The following CNTNAP2 variants were observed in gnomAD, a reference collection of about 807,000 sequenced individuals.
CNTNAP2 encodes contactin-associated protein-like 2.
CNTNAP2 carries 98 observed loss-of-function variants against 155.2 expected under a neutral mutation model. The ratio of observed to expected loss-of-function variants is 0.63; its 90% CI spans 0.54 to 0.75. The LOEUF (loss-of-function observed/expected upper bound fraction) is 0.75. CNTNAP2 is among the 30% of genes least tolerant of loss of function. CNTNAP2 has a pLI of 0.00. For missense variants in CNTNAP2, 1,727 were observed against 1,688.1 expected (o/e 1.02, Z -0.40); for synonymous variants, 651 against 631.2 (o/e 1.03, Z -0.47).
At chr7:147,793,726 A>G (rs901904440) in intron 13 of CNTNAP2, among the ~76,000 whole-genome samples, 18 of 152,088 alleles carry the variant, frequency 1.2e-4, no homozygotes, top group Non-Finnish European at 2.6e-4. Context: ...GATTTAATAC[A>G]GGTTGCATTA....
At chr7:147,928,752 C>T (rs895063968) in intron 14 of CNTNAP2, among the ~76,000 whole-genome samples, 1 of 152,060 alleles carries the variant, frequency 6.6e-6, no homozygotes, top group African/African-American at 2.4e-5. Context: ...AAAACCACAT[C>T]TTATAATGTG....
intron 3 of CNTNAP2, among the ~76,000 whole-genome samples, chr7:146,983,871 A>G (rs73740561): frequency 0.01 from 1,570 of 152,310 alleles, 20 homozygotes; most frequent in African/African-American, 0.036. Flanking sequence ...ATTTATAAAG[A>G]ATATTTGTCT....
chr7:147,934,877 A>G (rs1800576285), intron 14 of CNTNAP2, among the ~76,000 whole-genome samples: 1 of 152,236 alleles, frequency 6.6e-6, no homozygotes, highest in Non-Finnish European at 1.5e-5. Flanking sequence ...ATAAAAATAC[A>G]TACAGATTTT....
At chr7:146,914,097 CT>C (rs1796344151) in intron 3 of CNTNAP2, among the ~76,000 whole-genome samples, 1 of 151,868 alleles carries the variant, frequency 6.6e-6, no homozygotes, top group Admixed American at 6.6e-5. Context: ...TTATTTATGG[CT>C]TTTTAAAAGT....
At chr7:146,273,825 C>A (rs769128563) in intron 1 of CNTNAP2, among the ~76,000 whole-genome samples, 1 of 152,058 alleles carries the variant, frequency 6.6e-6, no homozygotes, top group Non-Finnish European at 1.5e-5. Context: ...TTTCCTTCTT[C>A]GTAAAACAAG....
At chr7:147,185,892 A>C (rs893944417) in intron 8 of CNTNAP2, among the ~76,000 whole-genome samples, 1 of 152,038 alleles carries the variant, frequency 6.6e-6, no homozygotes, top group Non-Finnish European at 1.5e-5. Flanking sequence ...TATAAGGGAG[A>C]GTTTCCCTGC....
chr7:146,724,469 G>A (rs1328699856), intron 1 of CNTNAP2, among the ~76,000 whole-genome samples: 1 of 151,508 alleles, frequency 6.6e-6, no homozygotes, highest in African/African-American at 2.4e-5. Context: ...AAAAAAGATG[G>A]GTCTTGTTCC....
At chr7:148,372,848 A>G (rs908453418) in intron 21 of CNTNAP2, among the ~76,000 whole-genome samples, 2 of 152,248 alleles carry the variant, frequency 1.3e-5, no homozygotes, top group African/African-American at 4.8e-5. Flanking sequence ...CAAACACATT[A>G]TACAGCTGTA....
Position 148,217,285 on chromosome 7 carries a change from C to T in CNTNAP2, c.3011-3C>T, listed in dbSNP as rs747361414. 3.1e-6 allele frequency: 5 copies of T among 1,613,736 alleles called. No individual in the cohort carries two copies. The highest frequency in any genetic ancestry group is 2.7e-5 in the African/African-American group (2 of 74,880). On this transcript the variant is annotated splice_polypyrimidine_tract_variant and splice_region_variant and intron_variant, in intron 18 of 23. Transcript: ENST00000361727. ...TTTCAATTCTCTCTCTCCTTTATAA[C>T]AGATGTTGGTGCATTTTTTGAAGAA...
At chr7:146,427,898 T>C (rs1024742793) in intron 1 of CNTNAP2, among the ~76,000 whole-genome samples, 3 of 152,090 alleles carry the variant, frequency 2.0e-5, no homozygotes, top group African/African-American at 7.2e-5. Flanking sequence ...TCCATCCCCC[T>C]GTACCTCCAA....
At chr7:147,672,821 T>A (rs1795810153) in intron 13 of CNTNAP2, 1 of 152,142 alleles carries the variant, frequency 6.6e-6, no homozygotes, top group East Asian at 1.9e-4. Flanking sequence ...ATTTTTTTTT[T>A]ATTTGATCTT....
At chr7:147,276,838 A>G (rs922940510) in intron 8 of CNTNAP2, among the ~76,000 whole-genome samples, 3 of 152,050 alleles carry the variant, frequency 2.0e-5, no homozygotes, top group Non-Finnish European at 4.4e-5. Flanking sequence ...GACAAAAAAA[A>G]AACTGCAAAT....
intron 13 of CNTNAP2, among the ~76,000 whole-genome samples, chr7:147,657,584 A>C (rs74951557): frequency 6.6e-6 from 1 of 152,132 alleles, no homozygotes; most frequent in Non-Finnish European, 1.5e-5. Context: ...AAGCAATTCC[A>C]GTAAGATATA....
intron 1 of CNTNAP2, among the ~76,000 whole-genome samples, chr7:146,160,857 C>T (rs1183065936): frequency 3.3e-5 from 5 of 152,104 alleles, no homozygotes; most frequent in African/African-American, 1.2e-4. Flanking sequence ...TTTTTTGAGG[C>T]CAACATCATC....
At chr7:147,144,874 G>C (rs920968605) in intron 8 of CNTNAP2, among the ~76,000 whole-genome samples, 47 of 152,316 alleles carry the variant, frequency 3.1e-4, no homozygotes, top group Non-Finnish European at 6.5e-4. Context: ...TATTGTGTGA[G>C]TGCGTGGGTG....
chr7:147,970,370 A>G (rs1801312473), intron 14 of CNTNAP2, among the ~76,000 whole-genome samples: 1 of 152,170 alleles, frequency 6.6e-6, no homozygotes, highest in Non-Finnish European at 1.5e-5. Context: ...ACTTTTTCTA[A>G]ACACTTGCTA....
chr7:147,782,432 A>G (rs368529955), intron 13 of CNTNAP2, among the ~76,000 whole-genome samples: 2 of 152,252 alleles, frequency 1.3e-5, no homozygotes, highest in Admixed American at 6.5e-5. Flanking sequence ...AATAATAGAA[A>G]TGTATTGCTC....
intron 8 of CNTNAP2, among the ~76,000 whole-genome samples, chr7:147,190,929 C>A (rs1802667117): frequency 6.6e-6 from 1 of 152,082 alleles, no homozygotes; most frequent in African/African-American, 2.4e-5. Context: ...TTGTCACTTT[C>A]CTGGTGTAAG....
intron 8 of CNTNAP2, among the ~76,000 whole-genome samples, chr7:147,213,819 GC>G: frequency 6.6e-6 from 1 of 152,022 alleles, no homozygotes; most frequent in East Asian, 1.9e-4. Flanking sequence ...GAGTCTGAAG[GC>G]CTGAGAACTC....
Sources: gnomAD v4.1 joint callset for allele counts (sites outside exome capture counted in the v4.1 genomes callset) on GRCh38, gnomAD v4.1.1 for gene constraint, MANE v1.5 for transcripts, NCBI Gene and HGNC (gene_info 2026-07-23, HGNC 2026-07-21) for gene names.